EXT2: variants seen among roughly 807,000 people sequenced by gnomAD.
The protein encoded by EXT2 is exostosin glycosyltransferase 2.
In EXT2, 53 loss-of-function variants were observed where a neutral mutation model predicts 81.6. The observed-to-expected ratio is 0.65, with a 90% CI of 0.52 to 0.82. The LOEUF is 0.82. EXT2 is among the 40% of genes least tolerant of loss of function. EXT2 has a pLI of 0.00. For synonymous variants in EXT2, 320 were observed against 340.0 expected, an observed-to-expected ratio of 0.94 and a Z score of 0.65; for missense variants, 774 against 910.2, an observed-to-expected ratio of 0.85 and a Z score of 1.93.
intron 10 of EXT2, among the ~76,000 whole-genome samples, chr11:44,208,542 C>T (rs1416905064): frequency 1.3e-5 from 2 of 152,186 alleles, no homozygotes; most frequent in African/African-American, 4.8e-5. Context: ...TCCATATTAC[C>T]TCTAAAGAAG....
intron 7 of EXT2, among the ~76,000 whole-genome samples, chr11:44,153,927 T>G (rs1236925371): frequency 2.0e-5 from 3 of 151,966 alleles, no homozygotes; most frequent in Admixed American, 1.3e-4. Context: ...TGTTGTTGTT[T>G]TTTTTTAGAA....
intron 7 of EXT2, among the ~76,000 whole-genome samples, chr11:44,139,751 C>T (rs71490053): frequency 3.3e-5 from 5 of 152,138 alleles, no homozygotes; most frequent in African/African-American, 9.7e-5. Flanking sequence ...ACAGTGTGAG[C>T]GGCTGGTTTC....
At chr11:44,122,536 TAGAACTCAAA>T (rs1565202775) in intron 4 of EXT2, among the ~76,000 whole-genome samples, 1 of 152,156 alleles carries the variant, frequency 6.6e-6, no homozygotes, top group East Asian at 1.9e-4. Context: ...AGGCTTGGAG[TAGAACTCAAA>T]AGCCTGTTTT....
intron 2 of EXT2, among the ~76,000 whole-genome samples, chr11:44,108,672 A>T (rs936322131): frequency 1.3e-5 from 2 of 152,240 alleles, no homozygotes; most frequent in Non-Finnish European, 2.9e-5. Flanking sequence ...AGAGATAAAC[A>T]TTATTAATAT....
At chr11:44,238,575 T>A (rs1182610325) in intron 13 of EXT2, among the ~76,000 whole-genome samples, 1 of 152,198 alleles carries the variant, frequency 6.6e-6, no homozygotes, top group Non-Finnish European at 1.5e-5. Flanking sequence ...CAGTGTTACA[T>A]GTATATGTAA....
chr11:44,200,125 G>C (rs532514639), intron 9 of EXT2, among the ~76,000 whole-genome samples: 2 of 149,898 alleles, frequency 1.3e-5, no homozygotes, highest in East Asian at 1.9e-4. Flanking sequence ...GATTTTTCAC[G>C]TACAGCATTA....
At chr11:44,172,587 T>TTC (rs1342993923) in intron 8 of EXT2, among the ~76,000 whole-genome samples, 1 of 149,378 alleles carries the variant, frequency 6.7e-6, no homozygotes, top group African/African-American at 2.5e-5. Flanking sequence ...CCTTTTCTTT[T>TTC]TTTTTTTTTT....
chr11:44,226,992 G>A (rs1955844753), intron 10 of EXT2, among the ~76,000 whole-genome samples: 1 of 152,196 alleles, frequency 6.6e-6, no homozygotes. Context: ...TGGTTCATGA[G>A]TCCTGATACA....
At chr11:44,241,340 C>T (rs1956035078) in intron 13 of EXT2, among the ~76,000 whole-genome samples, 1 of 152,218 alleles carries the variant, frequency 6.6e-6, no homozygotes, top group African/African-American at 2.4e-5. Context: ...GTTTGCCACA[C>T]TTATTAGCTG....
intron 7 of EXT2, among the ~76,000 whole-genome samples, chr11:44,149,871 G>A (rs1273398818): frequency 6.6e-6 from 1 of 152,064 alleles, no homozygotes; most frequent in Non-Finnish European, 1.5e-5. Flanking sequence ...GTATTTTCTT[G>A]TTTTTCTAAC....
At chr11:44,170,707 T>C (rs1955058546) in intron 7 of EXT2, among the ~76,000 whole-genome samples, 2 of 152,034 alleles carry the variant, frequency 1.3e-5, no homozygotes, top group South Asian at 4.2e-4. Context: ...AATGAACATA[T>C]CCCTTGAAAA....
rs1956132770 is a variant in EXT2 at position 44,250,899 on chromosome 11, G to GGGGATAAC, written c.*6613_*6620dup. On this transcript the variant is annotated 3_prime_UTR_variant, in exon 14 of 14. Coordinates refer to ENST00000533608, the MANE Select transcript of EXT2 (RefSeq NM_207122.2). ...GAAGTAAAGTTATGTTTCTCATTAA[G>GGGGATAAC]GGGATAACAGCCACAATTGAGGTAA... Among the ~76,000 whole-genome samples the GGGGATAAC allele has an allele frequency of 6.6e-6, 1 of 152,186 alleles. No individual in the cohort carries two copies. The highest frequency in any genetic ancestry group is 1.5e-5 in the Non-Finnish European group (1 of 68,040).
chr11:44,139,344 TA>T (rs1469366889), intron 7 of EXT2, among the ~76,000 whole-genome samples: 1 of 152,082 alleles, frequency 6.6e-6, no homozygotes, highest in Admixed American at 6.5e-5. Context: ...TTTTTTTAAT[TA>T]AAAAAACTTG....
Position 44,102,090 on chromosome 11 carries a change from G to A in EXT2, c.-30-5593G>A, listed in dbSNP as rs1440963417. On this transcript the variant is annotated intron_variant, in intron 1 of 13. Transcript: ENST00000533608. ...TATCCCATGGATTGAAGGGGAGGCT[G>A]GATCTCTTTCGGGAAAGATCTTGCA... 1.3e-5 allele frequency among the ~76,000 whole-genome samples: 2 copies of A among 152,152 alleles called. 1 individual carries two copies. Among genetic ancestry groups the A allele is most frequent in the Non-Finnish European group, 2.9e-5 (2 of 68,032 alleles).
chr11:44,234,860 T>C (rs1285111741), intron 12 of EXT2, among the ~76,000 whole-genome samples: 2 of 152,230 alleles, frequency 1.3e-5, no homozygotes, highest in Non-Finnish European at 2.9e-5. Flanking sequence ...GTACACTTCT[T>C]TATATGAGTA....
intron 1 of EXT2, chr11:44,104,539 T>C (rs191892671): frequency 3.3e-5 from 5 of 152,366 alleles, no homozygotes; most frequent in African/African-American, 9.6e-5. Flanking sequence ...GGCCCTATTT[T>C]AAACTTACTG....
intron 12 of EXT2, among the ~76,000 whole-genome samples, chr11:44,235,430 G>A (rs71490056): frequency 6.6e-6 from 1 of 151,590 alleles, no homozygotes; most frequent in Non-Finnish European, 1.5e-5. Flanking sequence ...TATTTTAGTA[G>A]AGACGGCATT....
chr11:44,158,584 T>A (rs138684339), intron 7 of EXT2, among the ~76,000 whole-genome samples: 1 of 150,846 alleles, frequency 6.6e-6, no homozygotes, highest in East Asian at 1.9e-4. Context: ...TTTAATAAAT[T>A]GATTTTTATT....
At chr11:44,103,798 T>A in intron 1 of EXT2, 1 of 301,978 alleles carries the variant, frequency 3.3e-6, no homozygotes, top group South Asian at 2.9e-5. Flanking sequence ...TCAAATGTAC[T>A]GGCATAAATT....
Sources: allele counts gnomAD v4.1 joint callset (sites outside exome capture counted in the v4.1 genomes callset), GRCh38; gene constraint gnomAD v4.1.1; transcripts MANE v1.5; gene names NCBI Gene and HGNC (gene_info 2026-07-23, HGNC 2026-07-21).